Variants in COPE observed in about 807,000 individuals in gnomAD.
COPE encodes coat protein complex I subunit epsilon.
In COPE, 19 loss-of-function variants were observed where a neutral mutation model predicts 42.1. The observed-to-expected ratio is 0.45, with a 90% CI of 0.31 to 0.66. COPE has a LOEUF of 0.66. Ranked by LOEUF, COPE falls within the 30% of genes least tolerant of loss-of-function variation. COPE has a pLI of 0.05. For synonymous variants in COPE, 195 were observed against 181.3 expected, an observed-to-expected ratio of 1.08 and a Z score of -0.60; for missense variants, 402 against 416.1, an observed-to-expected ratio of 0.97 and a Z score of 0.30.
At chr19:18,907,692 A>C (rs1301625879) in intron 3 of COPE, among the ~76,000 whole-genome samples, 4 of 152,230 alleles carry the variant, frequency 2.6e-5, no homozygotes, top group African/African-American at 9.6e-5. Flanking sequence ...CCATGCCTCC[A>C]TGTCCCTAAC....
chr19:18,907,691 C>G (rs1195027881), intron 3 of COPE, among the ~76,000 whole-genome samples: 1 of 152,256 alleles, frequency 6.6e-6, no homozygotes, highest in African/African-American at 2.4e-5. Flanking sequence ...CCCATGCCTC[C>G]ATGTCCCTAA....
intron 8 of COPE, 60 bp from the exon 9 acceptor site, chr19:18,900,007 C>T (rs1039543605): frequency 3.0e-5 from 44 of 1,491,426 alleles, no homozygotes; most frequent in Non-Finnish European, 3.6e-5. Flanking sequence ...TGGCTCTGAC[C>T]TGCTGGACAG....
At chr19:18,906,190 A>C (rs939547210) in intron 4 of COPE, 1 of 376,290 alleles carries the variant, frequency 2.7e-6, no homozygotes, top group Non-Finnish European at 4.7e-6. Flanking sequence ...ATCCCTATTT[A>C]TTTTCTTTTT....
At chr19:18,902,058 T>C (rs1223262645) in intron 7 of COPE, among the ~76,000 whole-genome samples, 1 of 151,266 alleles carries the variant, frequency 6.6e-6, no homozygotes, top group Non-Finnish European at 1.5e-5. Flanking sequence ...TGGGCGCCTG[T>C]AGTCCCAGCT....
chr19:18,912,959 GC>G, intron 2 of COPE, 24 bp downstream of exon 2: 1 of 1,609,314 alleles, frequency 6.2e-7, no homozygotes. Context: ...CATCACTCTT[GC>G]CCCCGGCCAA....
At chr19:18,912,607 A>G (rs2145077435) in intron 2 of COPE, among the ~76,000 whole-genome samples, 1 of 152,252 alleles carries the variant, frequency 6.6e-6, no homozygotes, top group East Asian at 1.9e-4. Flanking sequence ...AAATATAAAA[A>G]TTAGCCAGGC....
At chr19:18,911,495 TCA>T in intron 2 of COPE, 2 of 187,164 alleles carry the variant, frequency 1.1e-5, no homozygotes, top group African/African-American at 2.3e-5. Flanking sequence ...GATACCACTG[TCA>T]CATCTGCAGC....
chr19:18,902,814 A>T (rs1321389918), intron 7 of COPE, among the ~76,000 whole-genome samples: 2 of 126,254 alleles, frequency 1.6e-5, no homozygotes. Flanking sequence ...GGAAGGAAGG[A>T]AGGAAGGAAG....
At chr19:18,909,369 G>A (rs1430707856) in intron 3 of COPE, among the ~76,000 whole-genome samples, 1 of 152,234 alleles carries the variant, frequency 6.6e-6, no homozygotes, top group Non-Finnish European at 1.5e-5. Flanking sequence ...GGTGGCGGCA[G>A]GGCTGGCTCC....
chr19:18,909,927 G>T (rs2056794732), intron 3 of COPE, among the ~76,000 whole-genome samples: 3 of 152,116 alleles, frequency 2.0e-5, no homozygotes, highest in Non-Finnish European at 4.4e-5. Context: ...TTTTCCAAAT[G>T]ATATCATATT....
rs370888761 is a variant in COPE, at chr19:18,899,653, A to G, written c.*26T>C. On this transcript the variant is annotated 3_prime_UTR_variant, in exon 10 of 10. Coordinates refer to ENST00000262812, the MANE Select transcript of COPE (RefSeq NM_007263.4). Reference sequence around the variant, plus strand: ...GGCTCCTGGCCTCTGTCCTGGCTTCATGGTCCTGACAGCTCTGGGCCAGCC... The same window carrying G: ...GGCTCCTGGCCTCTGTCCTGGCTTCGTGGTCCTGACAGCTCTGGGCCAGCC... The G allele has an allele frequency of 6.2e-7, 1 of 1,613,122 alleles. No homozygotes were observed. The highest frequency in any genetic ancestry group is 2.2e-5 in the East Asian group (1 of 44,874).
rs939547210 is a variant in COPE, at chr19:18,906,190, A to G, written c.444-561T>C. The G allele has an allele frequency of 1.3e-5, 5 of 376,290 alleles. No homozygotes were observed. The East Asian group carries it at 1.9e-4, about 14-fold the overall frequency. The allele number at this position is 376,290 out of a possible 1,614,324, so 23.3% of individuals were successfully genotyped here. On this transcript the variant is annotated intron_variant, in intron 4 of 9. Transcript: ENST00000262812. ...CGCCGACAGTGTGACATCCCTATTTATTTTCTTTTTTGTGTGTGAGTCAGG... is the reference window on the plus strand; with the variant it reads ...CGCCGACAGTGTGACATCCCTATTTGTTTTCTTTTTTGTGTGTGAGTCAGG...
intron 7 of COPE, 138 bp from the exon 8 acceptor site, chr19:18,900,587 G>C: frequency 1.6e-6 from 1 of 624,990 alleles, no homozygotes; most frequent in Non-Finnish European, 2.8e-6. Context: ...CCACCGCTCT[G>C]CAAGGTGGAG....
chr19:18,903,175 G>A (rs913504544), intron 7 of COPE, 93 bp downstream of exon 7: 1 of 1,335,396 alleles, frequency 7.5e-7, no homozygotes. Context: ...CACCCAGGGG[G>A]TCTCTGCTAC....
intron 4 of COPE, 30 bp from the exon 5 acceptor site, chr19:18,905,659 G>A (rs368025209): frequency 3.5e-5 from 55 of 1,580,668 alleles, no homozygotes; most frequent in Admixed American, 1.8e-4. Flanking sequence ...GGCGGTCAGC[G>A]GGTCGCCACA....
rs373017878 is a variant in COPE at position 18,906,997 on chromosome 19, C to A, written c.406G>T (p.Ala136Ser). 6.3e-7 allele frequency: 1 copy of A among 1,582,266 alleles called. No individual in the cohort carries two copies. The highest frequency in any genetic ancestry group is 2.3e-5 in the East Asian group (1 of 43,254). The change falls in exon 4 of 10, where the codon GCC (alanine) becomes TCC (serine). Residue 136 changes from alanine (A) to serine (S), a missense_variant. Transcript: ENST00000262812. Reference protein sequence around the residue: ...IYLHDQNPDAALRALHQGDSL... With the variant: ...IYLHDQNPDASLRALHQGDSL... The stretch of plus-strand genomic sequence containing the variant: ...TCCCCCTGGTGCAGCGCACGCAGGG[C>A]GGCATCCGGGTTCTGGTCGTGGAGA...
chr19:18,908,582 T>C (rs2056782036), intron 3 of COPE, among the ~76,000 whole-genome samples: 1 of 149,478 alleles, frequency 6.7e-6, no homozygotes, highest in Non-Finnish European at 1.5e-5. Flanking sequence ...AGTGGTGCGA[T>C]CTTGGCTCAC....
intron 3 of COPE, among the ~76,000 whole-genome samples, chr19:18,909,750 T>A (rs1016135302): frequency 1.3e-5 from 2 of 152,032 alleles, no homozygotes; most frequent in Non-Finnish European, 2.9e-5. Context: ...TGACCTCAGG[T>A]GATCTGCCCA....
chr19:18,905,107 T>C (rs1369859230), intron 5 of COPE, among the ~76,000 whole-genome samples: 4 of 152,108 alleles, frequency 2.6e-5, no homozygotes, highest in Non-Finnish European at 5.9e-5. Context: ...CAGGAGAGAC[T>C]CACTCCATGG....
Sources: gnomAD v4.1 joint callset for allele counts (sites outside exome capture counted in the v4.1 genomes callset) on GRCh38, gnomAD v4.1.1 for gene constraint, MANE v1.5 for transcripts, NCBI Gene and HGNC (gene_info 2026-07-23, HGNC 2026-07-21) for gene names.